OSBPL6: variants seen among roughly 807,000 people sequenced by gnomAD.
The protein encoded by OSBPL6 is oxysterol binding protein like 6, also known as oxysterol-binding protein-related protein 6.
OSBPL6 carries 49 observed loss-of-function variants against 125.8 expected under a neutral mutation model. The ratio of observed to expected loss-of-function variants is 0.39; its 90% CI spans 0.31 to 0.49. The LOEUF (loss-of-function observed/expected upper bound fraction) is 0.49. OSBPL6 is among the 20% of genes least tolerant of loss of function. The pLI is 0.88. For missense variants in OSBPL6, 986 were observed against 1,135.4 expected, an observed-to-expected ratio of 0.87 and a Z score of 1.89; for synonymous variants, 394 against 391.8, an observed-to-expected ratio of 1.01 and a Z score of -0.07.
chr2:178,343,657 T>C (rs1690426604), intron 11 of OSBPL6, among the ~76,000 whole-genome samples: 1 of 152,218 alleles, frequency 6.6e-6, no homozygotes, highest in Non-Finnish European at 1.5e-5. Flanking sequence ...TCTTTTCTGA[T>C]CTTATGGGGT....
chr2:178,380,038 A>C (rs1048961118), intron 15 of OSBPL6, among the ~76,000 whole-genome samples: 1 of 152,206 alleles, frequency 6.6e-6, no homozygotes, highest in East Asian at 1.9e-4. Context: ...ATGACAAAAG[A>C]ATTGGCATAA....
At chr2:178,298,222 A>G (rs904145308) in intron 2 of OSBPL6, among the ~76,000 whole-genome samples, 1 of 152,140 alleles carries the variant, frequency 6.6e-6, no homozygotes, top group African/African-American at 2.4e-5. Flanking sequence ...CTTCCTTTTT[A>G]AGGCTGAATA....
chr2:178,372,453 T>A (rs1386798199), intron 14 of OSBPL6, among the ~76,000 whole-genome samples: 1 of 152,176 alleles, frequency 6.6e-6, no homozygotes, highest in Non-Finnish European at 1.5e-5. Flanking sequence ...TATTCCTATG[T>A]TCACCTGATG....
intron 5 of OSBPL6, among the ~76,000 whole-genome samples, chr2:178,329,862 T>C (rs1243410891): frequency 6.6e-6 from 1 of 152,220 alleles, no homozygotes; most frequent in Non-Finnish European, 1.5e-5. Flanking sequence ...TGGCTGCCCA[T>C]TGGCTCAGTG....
At chr2:178,220,850 G>A (rs543116774) in intron 1 of OSBPL6, among the ~76,000 whole-genome samples, 7 of 152,266 alleles carry the variant, frequency 4.6e-5, no homozygotes, top group Admixed American at 3.3e-4. Context: ...GGATATTCTC[G>A]TCGATCTTGG....
chr2:178,349,526 C>T, intron 12 of OSBPL6, 137 bp downstream of exon 12: 1 of 997,232 alleles, frequency 1.0e-6, no homozygotes. Flanking sequence ...GTTCTATATA[C>T]AAAAATGCAA....
At chr2:178,199,850 GA>G (rs2089145213) in intron 1 of OSBPL6, among the ~76,000 whole-genome samples, 2 of 151,986 alleles carry the variant, frequency 1.3e-5, no homozygotes, top group Non-Finnish European at 2.9e-5. Context: ...GGAACACTGG[GA>G]AAAAAATACT....
chr2:178,274,895 T>C (rs1296925478), intron 1 of OSBPL6, among the ~76,000 whole-genome samples: 1 of 152,064 alleles, frequency 6.6e-6, no homozygotes, highest in African/African-American at 2.4e-5. Context: ...TCTAGGACCA[T>C]GATTTTTTTT....
intron 1 of OSBPL6, among the ~76,000 whole-genome samples, chr2:178,257,267 G>A (rs1184298352): frequency 6.6e-6 from 1 of 152,072 alleles, no homozygotes; most frequent in Non-Finnish European, 1.5e-5. Context: ...CTTCCTTCTA[G>A]AATATGCTTT....
At chr2:178,360,765 T>A (rs1216123915) in intron 12 of OSBPL6, among the ~76,000 whole-genome samples, 1 of 152,196 alleles carries the variant, frequency 6.6e-6, no homozygotes. Context: ...ATCAAGTTAT[T>A]ACCTTTAAAT....
chr2:178,374,290 A>G (rs1419503962), intron 15 of OSBPL6, among the ~76,000 whole-genome samples: 3 of 152,230 alleles, frequency 2.0e-5, no homozygotes, highest in Admixed American at 2.0e-4. Flanking sequence ...AGTGTCTTCT[A>G]TGATTCCTAT....
chr2:178,297,895 A>G (rs941866628), intron 2 of OSBPL6, among the ~76,000 whole-genome samples: 1 of 152,206 alleles, frequency 6.6e-6, no homozygotes, highest in Non-Finnish European at 1.5e-5. Flanking sequence ...ACTGCTTTGA[A>G]GTGTCCACTT....
intron 1 of OSBPL6, among the ~76,000 whole-genome samples, chr2:178,258,256 A>G (rs1167040058): frequency 6.6e-6 from 1 of 151,930 alleles, no homozygotes; most frequent in African/African-American, 2.4e-5. Context: ...GTGTGCCACC[A>G]TGCCTGGCTA....
intron 2 of OSBPL6, among the ~76,000 whole-genome samples, chr2:178,296,330 C>T (rs1388884469): frequency 6.6e-6 from 1 of 152,156 alleles, no homozygotes; most frequent in African/African-American, 2.4e-5. Flanking sequence ...ATTACTATCC[C>T]TGTTTTATAG....
chr2:178,233,379 T>TCA (rs2090915571), intron 1 of OSBPL6, among the ~76,000 whole-genome samples: 1 of 152,156 alleles, frequency 6.6e-6, no homozygotes, highest in Admixed American at 6.5e-5. Context: ...TTTTCATGGG[T>TCA]TTTACTTGGC....
At chr2:178,292,104 C>T (rs1419855606) in intron 2 of OSBPL6, among the ~76,000 whole-genome samples, 2 of 151,922 alleles carry the variant, frequency 1.3e-5, no homozygotes, top group Non-Finnish European at 2.9e-5. Flanking sequence ...CTCCTCCCAT[C>T]CCCCACCCTC....
At chr2:178,388,167 T>G (rs1218051051) in intron 20 of OSBPL6, among the ~76,000 whole-genome samples, 2 of 152,226 alleles carry the variant, frequency 1.3e-5, no homozygotes, top group Non-Finnish European at 2.9e-5. Flanking sequence ...TAAATGTGAT[T>G]TGAAGCTATA....
chr2:178,265,746 C>T (rs933114564), intron 1 of OSBPL6, among the ~76,000 whole-genome samples: 3 of 152,138 alleles, frequency 2.0e-5, no homozygotes, highest in African/African-American at 7.2e-5. Context: ...CCTTCGTAAA[C>T]TTTTTTATTT....
At chr2:178,315,733 A>C (rs1057400390) in intron 3 of OSBPL6, among the ~76,000 whole-genome samples, 1 of 152,178 alleles carries the variant, frequency 6.6e-6, no homozygotes, top group Non-Finnish European at 1.5e-5. Context: ...CAGGCATCAC[A>C]CCAAATAGAC....
Sources: allele counts gnomAD v4.1 joint callset (sites outside exome capture counted in the v4.1 genomes callset), GRCh38; gene constraint gnomAD v4.1.1; transcripts MANE v1.5; gene names NCBI Gene and HGNC (gene_info 2026-07-23, HGNC 2026-07-21).